Variants in ITPR2 observed in about 807,000 individuals in gnomAD.
ITPR2 encodes the protein inositol 1,4,5-trisphosphate receptor type 2.
A neutral mutation model predicts 317.1 loss-of-function variants in ITPR2; 207 were observed. The ratio of observed to expected loss-of-function variants is 0.65; its 90% confidence interval spans 0.58 to 0.73. The LOEUF is 0.73. Ranked by LOEUF, ITPR2 falls within the 30% of genes least tolerant of loss-of-function variation. ITPR2 has a pLI of 0.00. For synonymous variants in ITPR2, 1,156 were observed against 1,149.1 expected (o/e 1.01, Z -0.12); for missense variants, 2,613 against 3,284.0 (o/e 0.80, Z 4.99).
intron 2 of ITPR2, among the ~76,000 whole-genome samples, chr12:26,780,337 A>G (rs1471617169): frequency 6.6e-6 from 1 of 152,196 alleles, no homozygotes; most frequent in Non-Finnish European, 1.5e-5. Context: ...TCACTGAAAT[A>G]GACACTTACT....
At position 26,602,296 on chromosome 12, in the gene ITPR2, T is replaced by C. The variant is rs1946019222; in HGVS notation, c.3678+74A>G. On this transcript the variant is annotated intron_variant, in intron 28 of 56. Transcript: ENST00000381340. Reference sequence around the variant, plus strand: ...TAAAATAATTAAGAAAGAAAAAATTTCTTGGAACTTTGCAAAACATTTGAA... The same window carrying C: ...TAAAATAATTAAGAAAGAAAAAATTCCTTGGAACTTTGCAAAACATTTGAA... 4.6e-6 allele frequency: 7 copies of C among 1,506,960 alleles called. No homozygotes were observed. The Middle Eastern group carries it at 5.3e-4, about 114-fold the overall frequency. 93.3% of individuals were successfully genotyped at this position (1,506,960 alleles called of 1,614,324 possible).
In ITPR2 at chr12:26,550,315, T is replaced by G; in HGVS notation, c.5005A>C (p.Lys1669Gln). The stretch of plus-strand genomic sequence containing the variant: ...GTCTGAAGAATTTTAATGCACAGTT[T>G]TTCTTCTTTCTCCATTAGTTTCTTT... ...HTKKLMEKEE[K>Q]LCIKILQTLR... is the part of the protein sequence containing the mutation. The change falls in exon 37 of 57, where the codon AAA becomes CAA. Residue 1669 changes from lysine to glutamine, a missense_variant. Lys to Gln is a moderately conservative substitution (Grantham distance 53, BLOSUM62 1). Around this residue, in one of 9 missense-constraint regions of ITPR2, gnomAD observed 926 missense variants for 1,072.8 expected, o/e 0.86. Coordinates refer to ENST00000381340, the MANE Select transcript of ITPR2 (RefSeq NM_002223.4). 6.5e-7 allele frequency: 1 copy of G among 1,527,876 alleles called. No homozygotes were observed. Among genetic ancestry groups the G allele is most frequent in the Non-Finnish European group, 9.0e-7 (1 of 1,108,666 alleles). The allele number at this position is 1,527,876 out of a possible 1,614,324, so 94.6% of individuals were successfully genotyped here.
At position 26,519,036 on chromosome 12, in the gene ITPR2, G is replaced by A. The variant is rs539702611; in HGVS notation, c.5074-23776C>T. 2.0e-5 allele frequency among the ~76,000 whole-genome samples: 3 copies of A among 152,120 alleles called. No homozygotes were observed. In the South Asian group the frequency reaches 6.2e-4, roughly 32 times the overall value. ...GGACCATTTTCATGTAATAAATAAA[G>A]GAAATTGTCAAAGAGCAAACAGCTC... On this transcript the variant is annotated intron_variant, in intron 37 of 56. Coordinates refer to ENST00000381340, the MANE Select transcript of ITPR2 (RefSeq NM_002223.4).
intron 49 of ITPR2, among the ~76,000 whole-genome samples, chr12:26,423,461 T>G (rs761285559): frequency 6.6e-6 from 1 of 152,182 alleles, no homozygotes; most frequent in Non-Finnish European, 1.5e-5. Flanking sequence ...ACTTATTAAA[T>G]GAATTACACA....
intron 37 of ITPR2, among the ~76,000 whole-genome samples, chr12:26,524,382 A>AC (rs1943752081): frequency 6.6e-6 from 1 of 152,196 alleles, no homozygotes; most frequent in South Asian, 2.1e-4. Context: ...ATTAATCAAA[A>AC]AATATGCACA....
At chr12:26,663,540 T>G in intron 15 of ITPR2, 145 bp downstream of exon 15, 1 of 770,350 alleles carries the variant, frequency 1.3e-6, no homozygotes, top group Non-Finnish European at 2.1e-6. Flanking sequence ...TACTTACAAA[T>G]CATTTTTATG....
chr12:26,637,626 T>G (rs1221531278), intron 21 of ITPR2, among the ~76,000 whole-genome samples: 1 of 152,140 alleles, frequency 6.6e-6, no homozygotes, highest in Non-Finnish European at 1.5e-5. Context: ...ACCATATAAT[T>G]GTAAGGTATT....
chr12:26,655,593 G>T, intron 20 of ITPR2, 115 bp downstream of exon 20: 1 of 856,652 alleles, frequency 1.2e-6, no homozygotes, highest in Non-Finnish European at 1.7e-6. Flanking sequence ...CAGCCTGGGC[G>T]ACCGAGTGAG....
chr12:26,622,993 CA>C (rs1946534528), intron 24 of ITPR2, among the ~76,000 whole-genome samples: 1 of 152,204 alleles, frequency 6.6e-6, no homozygotes, highest in South Asian at 2.1e-4. Flanking sequence ...TACAACACCA[CA>C]AACTAGTACT....
intron 37 of ITPR2, among the ~76,000 whole-genome samples, chr12:26,531,966 C>T (rs935857484): frequency 2.6e-5 from 4 of 152,038 alleles, no homozygotes; most frequent in Admixed American, 6.5e-5. Context: ...CAAGAAAATA[C>T]GGTAATGCTG....
At chr12:26,749,582 G>A (rs964689637) in intron 2 of ITPR2, among the ~76,000 whole-genome samples, 4 of 152,012 alleles carry the variant, frequency 2.6e-5, no homozygotes, top group South Asian at 2.1e-4. Flanking sequence ...GATTATGTTC[G>A]CTTTAAAAAT....
At chr12:26,820,331 T>C (rs1950920266) in intron 1 of ITPR2, among the ~76,000 whole-genome samples, 1 of 152,160 alleles carries the variant, frequency 6.6e-6, no homozygotes, top group Non-Finnish European at 1.5e-5. Context: ...TACTTAGAGA[T>C]TTTAAAATTA....
chr12:26,757,301 C>T (rs972649317), intron 2 of ITPR2, among the ~76,000 whole-genome samples: 4 of 151,722 alleles, frequency 2.6e-5, no homozygotes, highest in Non-Finnish European at 2.9e-5. Flanking sequence ...CTGCAACCTC[C>T]GCCTCCTGGG....
intron 21 of ITPR2, among the ~76,000 whole-genome samples, chr12:26,642,576 C>G (rs1947015806): frequency 6.6e-6 from 1 of 151,960 alleles, no homozygotes; most frequent in African/African-American, 2.4e-5. Flanking sequence ...AATTTCTGTT[C>G]CTTATACATT....
intron 55 of ITPR2, among the ~76,000 whole-genome samples, chr12:26,343,522 A>G (rs1022122624): frequency 6.6e-6 from 1 of 152,344 alleles, no homozygotes; most frequent in Admixed American, 6.5e-5. Flanking sequence ...GTACACTTTA[A>G]TGGTAAAATG....
At chr12:26,618,935 T>C (rs1169253161) in intron 26 of ITPR2, among the ~76,000 whole-genome samples, 1 of 152,192 alleles carries the variant, frequency 6.6e-6, no homozygotes, top group African/African-American at 2.4e-5. Flanking sequence ...TACAGACACA[T>C]GGTAAAACTA....
chr12:26,649,137 TAG>T (rs1454319861), intron 21 of ITPR2: 1 of 152,084 alleles, frequency 6.6e-6, no homozygotes, highest in East Asian at 1.9e-4. Flanking sequence ...AACTCCCACA[TAG>T]ACTTTGCTCA....
At chr12:26,397,600 T>A (rs1940040300) in intron 54 of ITPR2, among the ~76,000 whole-genome samples, 1 of 152,116 alleles carries the variant, frequency 6.6e-6, no homozygotes, top group South Asian at 2.1e-4. Context: ...TGCTTTCTAT[T>A]TGTTTCCACT....
chr12:26,578,063 G>C (rs1292534988), intron 34 of ITPR2, among the ~76,000 whole-genome samples: 1 of 152,174 alleles, frequency 6.6e-6, no homozygotes, highest in African/African-American at 2.4e-5. Context: ...GCCACCATTA[G>C]TTGAAAGGAT....
Sources: gnomAD v4.1 joint callset for allele counts (sites outside exome capture counted in the v4.1 genomes callset) on GRCh38, gnomAD v4.1.1 for gene constraint, gnomAD v4.1.1 regional missense constraint, MANE v1.5 for transcripts, NCBI Gene and HGNC (gene_info 2026-07-23, HGNC 2026-07-21) for gene names.